Variants in PRDM15 observed in about 807,000 individuals in gnomAD.
PRDM15 encodes the protein PR/SET domain 15.
A neutral mutation model predicts 128.6 loss-of-function variants in PRDM15; 64 were observed. That is an observed-to-expected ratio of 0.50 (90% CI 0.41 to 0.61). The LOEUF (loss-of-function observed/expected upper bound fraction) is 0.61, where lower values mean the gene tolerates loss of function less well. PRDM15 is among the 20% of genes least tolerant of loss of function. The pLI is 0.00. For missense variants in PRDM15, 1,242 were observed against 1,569.1 expected (o/e 0.79, Z 3.52); for synonymous variants, 615 against 621.8 (o/e 0.99, Z 0.16).
chr21:41,857,382 G>A (rs1440363572), intron 3 of PRDM15, 53 bp from the exon 4 acceptor site: 20 of 1,587,590 alleles, frequency 1.3e-5, no homozygotes, highest in South Asian at 5.6e-5. Context: ...CCCAGGGACC[G>A]ACTCGTTAAG....
rs191629638 is a variant in PRDM15, at chr21:41,854,851, G to C, written c.286-33C>G. The C allele has an allele frequency of 1.9e-6, 3 of 1,575,904 alleles. No individual in the cohort carries two copies. Among genetic ancestry groups the C allele is most frequent in the Admixed American group, 3.4e-5 (2 of 58,580 alleles). ...TGAGTCGGCCCATGGAGAAGCCGGG[G>C]AAATGGCTGATTACCCATCTGTGTA... On this transcript the variant is annotated intron_variant, in intron 4 of 23. Coordinates refer to ENST00000398548, the MANE Select transcript of PRDM15 (RefSeq NM_001040424.3). This position sits in a 1 kb window ranked among gnomAD's most constrained non-coding sequence, Gnocchi z 4.6.
In PRDM15 at chr21:41,823,102, A is replaced by G. The variant is rs1229579162; in HGVS notation, c.1761+216T>C. On this transcript the variant is annotated intron_variant, in intron 14 of 23. Coordinates refer to ENST00000398548, the MANE Select transcript of PRDM15 (RefSeq NM_001040424.3). ...ATCCCTACCCTTCTACCATGTGAGG[A>G]CACAGTGAGAAGGCGCCGTCTACGA... is the stretch of plus-strand genomic sequence containing the variant. 5.0e-6 allele frequency: 3 copies of G among 604,504 alleles called. No individual in the cohort carries two copies. The African/African-American group carries it at 5.5e-5, about 11-fold the overall frequency. The allele number at this position is 604,504 out of a possible 1,614,324, so 37.4% of individuals were successfully genotyped here.
At chr21:41,858,952 A>T in intron 3 of PRDM15, 2 of 1,153,844 alleles carry the variant, frequency 1.7e-6, no homozygotes, top group Non-Finnish European at 2.5e-6. Context: ...CACCCACAAC[A>T]CCACAACCAC....
Position 41,837,933 on chromosome 21 carries a change from C to A in PRDM15, c.1001+1G>T. 1 of 1,614,210 alleles carries A rather than the reference C, an allele frequency of 6.2e-7. No individual in the cohort carries two copies. The highest frequency in any genetic ancestry group is 8.5e-7 in the Non-Finnish European group (1 of 1,180,036). ...GGCCCCAGGTGCCAGGCAGGACTTA[C>A]TTTGGAACCGAGCTGGTGTCAGTGG... On this transcript the variant is annotated splice_donor_variant, in intron 8 of 23. Transcript: ENST00000398548. LOFTEE classifies it high-confidence loss of function.
rs935468278 is a variant in PRDM15 at position 41,854,036 on chromosome 21, C to A, written c.538+530G>T. Reference sequence around the variant, plus strand: ...CCCAGGGCAGAGCTAAGCAGTCATGCGCCATGTGACAAGGTTTCAGTCAAA... The same window carrying A: ...CCCAGGGCAGAGCTAAGCAGTCATGAGCCATGTGACAAGGTTTCAGTCAAA... On this transcript the variant is annotated intron_variant, in intron 5 of 23. Coordinates refer to ENST00000398548, the MANE Select transcript of PRDM15 (RefSeq NM_001040424.3). The surrounding 1 kb of genome is among the most constrained non-coding windows in gnomAD (Gnocchi z 4.6). 6.6e-6 allele frequency among the ~76,000 whole-genome samples: 1 copy of A among 152,212 alleles called. No individual in the cohort carries two copies. The highest frequency in any genetic ancestry group is 2.4e-5 in the African/African-American group (1 of 41,462).
Position 41,836,519 on chromosome 21 carries a change from T to G in PRDM15, c.1132A>C (p.Ser378Arg), listed in dbSNP as rs763337835. Residue 378 changes from serine to arginine, a missense_variant, in exon 9 of 24, where the codon AGC becomes CGC. Ser to Arg is a moderately radical substitution (Grantham distance 110, BLOSUM62 -1). Coordinates refer to ENST00000398548, the MANE Select transcript of PRDM15 (RefSeq NM_001040424.3). ...TTGCTGCTGTTCTGGAAGATCTTGC[T>G]GCAGATATTGCACTGGTAAACCCGC... ...HKRVYQCNICSKIFQNSSNLS... is the reference protein window; with the variant it reads ...HKRVYQCNICRKIFQNSSNLS... 1 of 1,612,602 alleles carries G rather than the reference T, an allele frequency of 6.2e-7. No individual in the cohort carries two copies. Among genetic ancestry groups the G allele is most frequent in the South Asian group, 1.1e-5 (1 of 91,004 alleles).
Position 41,838,049 on chromosome 21 carries a change from T to C in PRDM15, c.886A>G (p.Ile296Val). 6.2e-7 allele frequency: 1 copy of C among 1,614,086 alleles called. No homozygotes were observed. Among genetic ancestry groups the C allele is most frequent in the Non-Finnish European group, 8.5e-7 (1 of 1,180,018 alleles). ...DKEPTEQVAE[I>V]ITEVPPDEPV... ...TCATCCGGAGGGACCTCGGTAATGA[T>C]CTCTGCCACTTGCTCTGTACGAAGG... The change falls in exon 8 of 24, where the codon ATC becomes GTC. Residue 296 changes from isoleucine (I) to valine (V), a missense_variant. Around this residue, in one of 3 missense-constraint regions of PRDM15, gnomAD observed 612 missense variants for 717.0 expected, o/e 0.85. Transcript: ENST00000398548.
In PRDM15 at chr21:41,822,049, C is replaced by T. The variant is rs1004777834; in HGVS notation, c.1762-12G>A. 2.5e-6 allele frequency: 4 copies of T among 1,613,542 alleles called. No homozygotes were observed. In the African/African-American group the frequency reaches 5.3e-5, roughly 22 times the overall value. On this transcript the variant is annotated splice_polypyrimidine_tract_variant and intron_variant, in intron 14 of 23. Coordinates refer to ENST00000398548, the MANE Select transcript of PRDM15 (RefSeq NM_001040424.3). ...ATCAACGCGATGTCCTGGAAAACAG[C>T]CACCACTTCCGGTTTCTAACAGCGC...
intron 1 of PRDM15, among the ~76,000 whole-genome samples, chr21:41,865,443 G>C (rs969269742): frequency 6.6e-6 from 1 of 152,046 alleles, no homozygotes; most frequent in Non-Finnish European, 1.5e-5. Flanking sequence ...GACCCTCCTC[G>C]GCACCAGCAC....
chr21:41,846,368 C>T lies in PRDM15; in HGVS notation c.640+722G>A, dbSNP rs139104042. Reference sequence around the variant, plus strand: ...AGAAGCTGGAAATGTGTTCAATTCTCTCCCGGCCACCTTAAATTGGAATCT... The same window carrying T: ...AGAAGCTGGAAATGTGTTCAATTCTTTCCCGGCCACCTTAAATTGGAATCT... On this transcript the variant is annotated intron_variant, in intron 6 of 23. Coordinates refer to ENST00000398548, the MANE Select transcript of PRDM15 (RefSeq NM_001040424.3). Among the ~76,000 whole-genome samples the T allele has an allele frequency of 3.9e-5, 6 of 152,368 alleles. No individual in the cohort carries two copies. The East Asian group carries it at 1.2e-3, about 29-fold the overall frequency.
At chr21:41,831,257 C>T (rs2062680805) in intron 11 of PRDM15, among the ~76,000 whole-genome samples, 1 of 152,252 alleles carries the variant, frequency 6.6e-6, no homozygotes, top group African/African-American at 2.4e-5. Context: ...TCTCAGGGTC[C>T]CCCTGTCTAG....
At position 41,828,138 on chromosome 21, in the gene PRDM15, C is replaced by G. The variant is rs2062536164; in HGVS notation, c.1534+28G>C. Reference sequence around the variant, plus strand: ...ACCCCGCAGGAGCTGCCTCTCCCCGCCCGCAGCAGGTGCGCAGGCGGCCTC... The same window carrying G: ...ACCCCGCAGGAGCTGCCTCTCCCCGGCCGCAGCAGGTGCGCAGGCGGCCTC... On this transcript the variant is annotated intron_variant, in intron 12 of 23. Coordinates refer to ENST00000398548, the MANE Select transcript of PRDM15 (RefSeq NM_001040424.3). The surrounding 1 kb of genome is among the most constrained non-coding windows in gnomAD (Gnocchi z 5.7). 6.2e-7 allele frequency: 1 copy of G among 1,610,356 alleles called. No homozygotes were observed.
At chr21:41,830,726 G>A (rs988404362) in intron 11 of PRDM15, among the ~76,000 whole-genome samples, 1 of 151,764 alleles carries the variant, frequency 6.6e-6, no homozygotes, top group Non-Finnish European at 1.5e-5. Flanking sequence ...GAAACACACA[G>A]CCACACACAG....
rs1330559673 is a variant in PRDM15 at position 41,800,280 on chromosome 21, T to C, written c.*960A>G. On this transcript the variant is annotated 3_prime_UTR_variant, in exon 24 of 24. Transcript: ENST00000398548. ...GGGCTTCAGCCAGAATGGATACATT[T>C]GGATTGCAGAGAATCCTGAGACAAC... is the stretch of plus-strand genomic sequence containing the variant. 3.9e-5 allele frequency: 6 copies of C among 152,338 alleles called. No homozygotes were observed. Among genetic ancestry groups the C allele is most frequent in the Non-Finnish European group, 7.4e-5 (5 of 68,026 alleles). 9.4% of individuals were successfully genotyped at this position (152,338 alleles called of 1,614,324 possible). A position where few individuals can be genotyped will look rare whatever the true frequency, so the allele number is the denominator to read the frequency against.
At chr21:41,830,253 ACACC>A (rs2062637336) in intron 11 of PRDM15, among the ~76,000 whole-genome samples, 1 of 150,456 alleles carries the variant, frequency 6.6e-6, no homozygotes, top group African/African-American at 2.5e-5. Flanking sequence ...CACCACACAC[ACACC>A]CCCCACACAA....
At chr21:41,835,034 GA>G (rs1046833121) in intron 11 of PRDM15, among the ~76,000 whole-genome samples, 35 of 152,288 alleles carry the variant, frequency 2.3e-4, no homozygotes, top group African/African-American at 8.4e-4. Flanking sequence ...TCGCGGTTAG[GA>G]ACAACCTTTG....
At position 41,859,566 on chromosome 21, in the gene PRDM15, C is replaced by G; in HGVS notation, c.131+26G>C. On this transcript the variant is annotated intron_variant, in intron 3 of 23. Transcript: ENST00000398548. This position sits in a 1 kb window ranked among gnomAD's most constrained non-coding sequence, Gnocchi z 5.3. ...CCTGCCGCAGCTGGCATATGGAAGGCCCGGGAGCTCACGGCGGTCACTCAC... is the reference window on the plus strand; with the variant it reads ...CCTGCCGCAGCTGGCATATGGAAGGGCCGGGAGCTCACGGCGGTCACTCAC... 1.9e-6 allele frequency: 3 copies of G among 1,596,112 alleles called. No homozygotes were observed. Among genetic ancestry groups the G allele is most frequent in the Non-Finnish European group, 2.6e-6 (3 of 1,164,692 alleles).
At position 41,810,678 on chromosome 21, in the gene PRDM15, C is replaced by A; in HGVS notation, c.2476+75G>T. On this transcript the variant is annotated intron_variant, in intron 20 of 23. Coordinates refer to ENST00000398548, the MANE Select transcript of PRDM15 (RefSeq NM_001040424.3). This position sits in a 1 kb window ranked among gnomAD's most constrained non-coding sequence, Gnocchi z 6.4. ...CTAGATAATAGAATAGTCGTTTCCA[C>A]CCCAGCAGGCACTCAGACAGCCCCG... 1 of 1,164,338 alleles carries A rather than the reference C, an allele frequency of 8.6e-7. No homozygotes were observed. Among genetic ancestry groups the A allele is most frequent in the Non-Finnish European group, 1.3e-6 (1 of 775,232 alleles). The allele number at this position is 1,164,338 out of a possible 1,614,324, so 72.1% of individuals were successfully genotyped here.
chr21:41,878,954 G>T (rs1359258738), intron 1 of PRDM15: 2 of 970,622 alleles, frequency 2.1e-6, no homozygotes, highest in African/African-American at 1.8e-5. Context: ...GGCAGGGGAC[G>T]GGGGCGCGGA....
Sources: gnomAD v4.1 joint callset for allele counts (sites outside exome capture counted in the v4.1 genomes callset) on GRCh38, gnomAD v4.1.1 for gene constraint, gnomAD v4.1.1 regional missense constraint, Gnocchi (gnomAD v3.1) non-coding constraint, MANE v1.5 for transcripts, NCBI Gene and HGNC (gene_info 2026-07-23, HGNC 2026-07-21) for gene names.